The following LCP1 variants were observed in gnomAD, a reference collection of about 807,000 sequenced individuals.
The protein encoded by LCP1 is plastin-2.
In LCP1, 23 loss-of-function variants were observed where a neutral mutation model predicts 72.0. The ratio of observed to expected loss-of-function variants is 0.32; its 90% CI spans 0.23 to 0.45. LCP1 has a LOEUF of 0.45. LCP1 is among the 20% of genes least tolerant of loss of function. The pLI, the probability that LCP1 is intolerant of heterozygous loss-of-function variation, is 1.00. For missense variants in LCP1, 571 were observed against 748.3 expected, an observed-to-expected ratio of 0.76 and a Z score of 2.76; for synonymous variants, 245 against 275.4, an observed-to-expected ratio of 0.89 and a Z score of 1.09.
chr13:46,159,285 TAAGAGA>T, intron 2 of LCP1: 1 of 519,982 alleles, frequency 1.9e-6, no homozygotes, highest in Non-Finnish European at 3.4e-6. Context: ...TGATAAAGAG[TAAGAGA>T]AAGTATGTGA....
rs2045603886 is a variant in LCP1, at chr13:46,127,164, G to A, written c.*427C>T. 4.3e-6 allele frequency: 1 copy of A among 234,670 alleles called. No homozygotes were observed. Among genetic ancestry groups the A allele is most frequent in the East Asian group, 6.1e-5 (1 of 16,476 alleles). 14.5% of individuals were successfully genotyped at this position (234,670 alleles called of 1,614,324 possible). ...CAACAGATCAAATGCTGACCTCCAG[G>A]AACAGGGTTTAGGGCAGGTGTGATG... On this transcript the variant is annotated 3_prime_UTR_variant, in exon 16 of 16. Coordinates refer to ENST00000323076, the MANE Select transcript of LCP1 (RefSeq NM_002298.5).
intron 1 of LCP1, among the ~76,000 whole-genome samples, chr13:46,160,989 A>C (rs565335585): frequency 4.9e-4 from 74 of 152,340 alleles, no homozygotes; most frequent in Non-Finnish European, 9.1e-4. Flanking sequence ...CACCAAACAG[A>C]AAACAGTCTT....
chr13:46,142,789 C>G (rs796581416), intron 12 of LCP1: 1 of 469,418 alleles, frequency 2.1e-6, no homozygotes. Context: ...AGTCTCCATC[C>G]TCTGCACACA....
chr13:46,172,464 A>C (rs1389927654), intron 1 of LCP1, among the ~76,000 whole-genome samples: 1 of 152,188 alleles, frequency 6.6e-6, no homozygotes, highest in Non-Finnish European at 1.5e-5. Context: ...AGTCTGGGCC[A>C]CAGAGCAAGG....
chr13:46,130,429 A>G (rs1380499856), intron 15 of LCP1, among the ~76,000 whole-genome samples: 1 of 152,244 alleles, frequency 6.6e-6, no homozygotes, highest in Non-Finnish European at 1.5e-5. Flanking sequence ...GTAAAACACA[A>G]GACAGTGGCT....
chr13:46,175,630 C>T (rs996894983), intron 1 of LCP1, among the ~76,000 whole-genome samples: 8 of 152,076 alleles, frequency 5.3e-5, no homozygotes, highest in African/African-American at 1.4e-4. Flanking sequence ...AGTATCACAA[C>T]TGTCATTCTC....
At chr13:46,145,974 G>A (rs1027329349) in intron 10 of LCP1, among the ~76,000 whole-genome samples, 1 of 145,986 alleles carries the variant, frequency 6.8e-6, no homozygotes, top group Admixed American at 6.9e-5. Flanking sequence ...GAGGTGGGCT[G>A]GAAAGGCAAT....
intron 10 of LCP1, among the ~76,000 whole-genome samples, chr13:46,145,800 T>C (rs9645993): frequency 0.51 from 54,921 of 108,276 alleles, 18,581 homozygotes; most frequent in East Asian, 0.63. Flanking sequence ...TCCCAGCTAC[T>C]TGGGAGGCTG....
At chr13:46,142,713 C>A in intron 12 of LCP1, 1 of 524,916 alleles carries the variant, frequency 1.9e-6, no homozygotes. Flanking sequence ...GAGAGCCATC[C>A]TTAATTACCT....
chr13:46,148,320 A>T, intron 9 of LCP1, 32 bp downstream of exon 9: 1 of 1,472,272 alleles, frequency 6.8e-7, no homozygotes, highest in Non-Finnish European at 9.5e-7. Context: ...ATAGCATCAT[A>T]TTCTCCAAAC....
In LCP1 at chr13:46,154,840, T is replaced by C. The variant is rs368096255; in HGVS notation, c.538A>G (p.Ile180Val). ...SVPDTIDERT[I>V]NKKKLTPFTI... ...AAAGGGGTTAGCTTCTTTTTGTTGA[T>C]TGTTCTTTCATCAATTGTGTCTGGC... The change falls in exon 6 of 16, where the codon ATC (isoleucine) becomes GTC (valine). Residue 180 changes from isoleucine to valine, a missense_variant. Coordinates refer to ENST00000323076, the MANE Select transcript of LCP1 (RefSeq NM_002298.5). The C allele has an allele frequency of 1.4e-5, 23 of 1,614,046 alleles. No homozygotes were observed. The highest frequency in any genetic ancestry group is 1.8e-5 in the Non-Finnish European group (21 of 1,179,990).
intron 1 of LCP1, among the ~76,000 whole-genome samples, chr13:46,177,949 C>T (rs892472040): frequency 7.9e-5 from 12 of 152,042 alleles, no homozygotes; most frequent in African/African-American, 2.7e-4. Context: ...CATATAGATG[C>T]ATTTATTTGG....
At chr13:46,173,512 C>A (rs2045913850) in intron 1 of LCP1, among the ~76,000 whole-genome samples, 1 of 152,184 alleles carries the variant, frequency 6.6e-6, no homozygotes, top group African/African-American at 2.4e-5. Context: ...GCAAAATTAT[C>A]TTGGAGAACA....
At position 46,159,809 on chromosome 13, in the gene LCP1, A is replaced by C. The variant is rs1011711270; in HGVS notation, c.-24-123T>G. On this transcript the variant is annotated intron_variant, in intron 1 of 15. Transcript: ENST00000323076. ...TCTTCTGCATCCCCCATGATTTAGA[A>C]CTATCTTTCCAAAATGTAAGTCAGA... The C allele has an allele frequency of 4.7e-6, 3 of 637,316 alleles. No homozygotes were observed. In the Admixed American group the frequency reaches 8.6e-5, roughly 18 times the overall value. The allele number at this position is 637,316 out of a possible 1,614,324, so 39.5% of individuals were successfully genotyped here.
At chr13:46,147,654 T>C (rs1593950786) in intron 9 of LCP1, among the ~76,000 whole-genome samples, 1 of 152,316 alleles carries the variant, frequency 6.6e-6, no homozygotes, top group Non-Finnish European at 1.5e-5. Context: ...TTGATAAATA[T>C]ATAATATCAA....
Position 46,150,961 on chromosome 13 carries a change from A to G in LCP1, c.857T>C (p.Ile286Thr). Reference sequence around the variant, plus strand: ...CTTGATGTCAGTACTGAAGTTGCCAATTTTGTTGCAGCCTGCATTTTCCAG... The same window carrying G: ...CTTGATGTCAGTACTGAAGTTGCCAGTTTTGTTGCAGCCTGCATTTTCCAG... ...YHLENAGCNK[I>T]GNFSTDIKDS... Residue 286 changes from isoleucine (I) to threonine (T), a missense_variant, in exon 8 of 16, where the codon ATT (isoleucine) becomes ACT (threonine). Ile to Thr is a moderately conservative substitution (Grantham distance 89). Coordinates refer to ENST00000323076, the MANE Select transcript of LCP1 (RefSeq NM_002298.5). 1 of 1,613,896 alleles carries G rather than the reference A, an allele frequency of 6.2e-7. No homozygotes were observed. The highest frequency in any genetic ancestry group is 2.2e-5 in the East Asian group (1 of 44,880).
intron 13 of LCP1, among the ~76,000 whole-genome samples, chr13:46,139,380 C>T (rs185172367): frequency 5.3e-5 from 8 of 152,322 alleles, no homozygotes; most frequent in African/African-American, 1.9e-4. Context: ...ATTATCCTAC[C>T]TTATCTGGAA....
Position 46,152,775 on chromosome 13 carries a change from C to A in LCP1, c.739+5G>T. 6.2e-7 allele frequency: 1 copy of A among 1,612,946 alleles called. No homozygotes were observed. Among genetic ancestry groups the A allele is most frequent in the South Asian group, 1.1e-5 (1 of 90,914 alleles). On this transcript the variant is annotated splice_donor_5th_base_variant and intron_variant, in intron 7 of 15. Coordinates refer to ENST00000323076, the MANE Select transcript of LCP1 (RefSeq NM_002298.5). ...TCATAAATGACCTTTGGGACTTGCTCTTACCTTCATTTCTGCTGAGTTCAA... is the reference window on the plus strand; with the variant it reads ...TCATAAATGACCTTTGGGACTTGCTATTACCTTCATTTCTGCTGAGTTCAA...
intron 14 of LCP1, 23 bp downstream of exon 14, chr13:46,134,104 T>G (rs750132542): frequency 3.7e-6 from 6 of 1,612,444 alleles, no homozygotes; most frequent in Admixed American, 3.3e-5. Context: ...AGATGGCCTC[T>G]AGCAGAAGAC....
Sources: gnomAD v4.1 joint callset for allele counts (sites outside exome capture counted in the v4.1 genomes callset) on GRCh38, gnomAD v4.1.1 for gene constraint, MANE v1.5 for transcripts, NCBI Gene and HGNC (gene_info 2026-07-23, HGNC 2026-07-21) for gene names.